Variants in P4HA3 observed in about 807,000 individuals in gnomAD.
The protein encoded by P4HA3 is prolyl 4-hydroxylase subunit alpha 3.
P4HA3 carries 60 observed loss-of-function variants against 66.7 expected under a neutral mutation model. The observed-to-expected ratio is 0.90, with a 90% CI of 0.73 to 1.12. P4HA3 has a LOEUF of 1.12. P4HA3 is among the 50% of genes most tolerant of loss of function. P4HA3 has a pLI of 0.00. For missense variants in P4HA3, 683 were observed against 685.8 expected, an observed-to-expected ratio of 1.00 and a Z score of 0.05; for synonymous variants, 263 against 274.6, an observed-to-expected ratio of 0.96 and a Z score of 0.42.
chr11:74,306,354 A>G (rs1184731819), intron 1 of P4HA3, among the ~76,000 whole-genome samples: 1 of 152,200 alleles, frequency 6.6e-6, no homozygotes, highest in Non-Finnish European at 1.5e-5. Flanking sequence ...CTTTCCTAGT[A>G]TACTCTGGTT....
At chr11:74,251,267 G>A (rs2135685130) in intron 15 of P4HA3, 1 of 1,371,598 alleles carries the variant, frequency 7.3e-7, no homozygotes, top group South Asian at 1.9e-5. Context: ...AAGATCTTAA[G>A]CTCTACTTCT....
At chr11:74,251,798 T>G in intron 15 of P4HA3, 75 of 1,524,494 alleles carry the variant, frequency 4.9e-5, no homozygotes, top group Non-Finnish European at 6.0e-5. Context: ...TAAATATCTC[T>G]GCCTTACCCC....
rs572926760 is a variant in P4HA3 at position 74,278,484 on chromosome 11, C to T, written c.1175+904G>A. On this transcript the variant is annotated intron_variant, in intron 8 of 12. Coordinates refer to ENST00000331597, the MANE Select transcript of P4HA3 (RefSeq NM_182904.5). ...GTGACCTTTGGGAGACCAGCTCCAG[C>T]GAAGTTGTGAGGACAGAACCAAAAG... Among the ~76,000 whole-genome samples the T allele has an allele frequency of 3.9e-5, 6 of 152,224 alleles. No homozygotes were observed. In the South Asian group the frequency reaches 1.0e-3, roughly 26 times the overall value.
intron 1 of P4HA3, among the ~76,000 whole-genome samples, chr11:74,304,955 G>A (rs1210990017): frequency 2.0e-5 from 3 of 152,102 alleles, no homozygotes; most frequent in Non-Finnish European, 4.4e-5. Context: ...ATTCCTATAA[G>A]GAGCACACAA....
At chr11:74,259,284 CAGG>C (rs1382785808) in intron 15 of P4HA3, among the ~76,000 whole-genome samples, 1 of 152,160 alleles carries the variant, frequency 6.6e-6, no homozygotes, top group Non-Finnish European at 1.5e-5. Flanking sequence ...GAGGCTGACG[CAGG>C]AGAATTGCTT....
At chr11:74,250,883 A>G (rs978761505) in intron 15 of P4HA3, 2 of 1,351,722 alleles carry the variant, frequency 1.5e-6, no homozygotes, top group African/African-American at 1.5e-5. Context: ...GGCTCCTGGA[A>G]TGACCTATGA....
chr11:74,292,401 T>A (rs559347228), intron 4 of P4HA3, among the ~76,000 whole-genome samples: 1 of 152,366 alleles, frequency 6.6e-6, no homozygotes, highest in East Asian at 1.9e-4. Flanking sequence ...AACCAGCTCC[T>A]GGATTCATTA....
intron 7 of P4HA3, among the ~76,000 whole-genome samples, chr11:74,284,611 T>C (rs985036015): frequency 6.6e-6 from 1 of 152,188 alleles, no homozygotes; most frequent in African/African-American, 2.4e-5. Flanking sequence ...CCTGTTGCCA[T>C]GGTAATGGGA....
chr11:74,278,302 T>C (rs193001888), intron 8 of P4HA3, among the ~76,000 whole-genome samples: 2 of 152,022 alleles, frequency 1.3e-5, no homozygotes, highest in Non-Finnish European at 2.9e-5. Flanking sequence ...AATAAGGAGA[T>C]AGGAAGAAGT....
At chr11:74,304,882 G>A (rs987843154) in intron 1 of P4HA3, among the ~76,000 whole-genome samples, 5 of 152,108 alleles carry the variant, frequency 3.3e-5, no homozygotes, top group South Asian at 4.1e-4. Context: ...TCCACGGACC[G>A]GGGGGTTGGG....
In P4HA3 at chr11:74,295,218, A is replaced by C. The variant is rs547287064; in HGVS notation, c.717+2994T>G. Among the ~76,000 whole-genome samples, 148 of 152,346 alleles carry C rather than the reference A, an allele frequency of 9.7e-4. 3 individuals are homozygous for C. In the South Asian group the frequency reaches 0.029, roughly 30 times the overall value. On this transcript the variant is annotated intron_variant, in intron 4 of 12. Coordinates refer to ENST00000331597, the MANE Select transcript of P4HA3 (RefSeq NM_182904.5). ...AAAATATAATTTGTTCTCCAGATTC[A>C]GTTCTTCCCGGAGTCCACAAAGTTA...
intron 7 of P4HA3, among the ~76,000 whole-genome samples, chr11:74,284,702 C>T (rs1860726344): frequency 6.6e-6 from 1 of 152,140 alleles, no homozygotes; most frequent in Non-Finnish European, 1.5e-5. Context: ...TGGCACACTT[C>T]CTTCCCCTAG....
At chr11:74,279,505 G>A in intron 7 of P4HA3, 53 bp from the exon 8 acceptor site, 1 of 1,537,216 alleles carries the variant, frequency 6.5e-7, no homozygotes, top group Non-Finnish European at 9.0e-7. Context: ...CAAAAGGAAA[G>A]TTTTGTCACT....
chr11:74,305,163 C>T (rs780133890), intron 1 of P4HA3, among the ~76,000 whole-genome samples: 4 of 152,056 alleles, frequency 2.6e-5, no homozygotes, highest in Non-Finnish European at 5.9e-5. Flanking sequence ...GACCTCTCTG[C>T]TATGAGAGAA....
At chr11:74,305,720 C>T (rs1861561370) in intron 1 of P4HA3, among the ~76,000 whole-genome samples, 1 of 152,120 alleles carries the variant, frequency 6.6e-6, no homozygotes, top group Admixed American at 6.5e-5. Context: ...AGGTCTAATA[C>T]TCAAGGATTT....
chr11:74,279,372 G>A lies in P4HA3; in HGVS notation c.1175+16C>T, dbSNP rs1322914436. The A allele has an allele frequency of 1.2e-6, 2 of 1,612,952 alleles. No individual in the cohort carries two copies. Among genetic ancestry groups the A allele is most frequent in the African/African-American group, 1.3e-5 (1 of 75,012 alleles). On this transcript the variant is annotated intron_variant, in intron 8 of 12. Coordinates refer to ENST00000331597, the MANE Select transcript of P4HA3 (RefSeq NM_182904.5). ...AGGGTGGGCAGCAGGTATGACCAAG[G>A]AAGGGCCCTTCTTACCTTTTGCTGA...
In P4HA3 at chr11:74,268,199, C is replaced by T. The variant is rs1393909531; in HGVS notation, c.1510G>A (p.Gly504Arg). The T allele has an allele frequency of 1.9e-6, 3 of 1,613,972 alleles. No homozygotes were observed. The highest frequency in any genetic ancestry group is 1.7e-6 in the Non-Finnish European group (2 of 1,179,992). ...FWWNLHRSGE[G>R]DSDTLHAGCP... The stretch of plus-strand genomic sequence containing the variant: ...CCAGCATGAAGTGTGTCACTGTCCC[C>T]TTCACCACTCCTGTGCAGGTTCCAC... Residue 504 changes from glycine to arginine, a missense_variant, in exon 12 of 13, where the codon GGG (glycine) becomes AGG (arginine). Coordinates refer to ENST00000331597, the MANE Select transcript of P4HA3 (RefSeq NM_182904.5).
intron 14 of P4HA3, among the ~76,000 whole-genome samples, chr11:74,260,538 G>A (rs1353691313): frequency 3.9e-5 from 6 of 152,100 alleles, no homozygotes; most frequent in Non-Finnish European, 8.8e-5. Flanking sequence ...TTTTTATTTG[G>A]TAAATGGAAA....
chr11:74,266,828 T>C lies in P4HA3; in HGVS notation c.*420A>G. The C allele has an allele frequency of 5.2e-6, 3 of 573,288 alleles. No individual in the cohort carries two copies. The highest frequency in any genetic ancestry group is 9.0e-6 in the Non-Finnish European group (3 of 333,686). The allele number at this position is 573,288 out of a possible 1,614,324, so 35.5% of individuals were successfully genotyped here. On this transcript the variant is annotated 3_prime_UTR_variant, in exon 13 of 13. Coordinates refer to ENST00000331597, the MANE Select transcript of P4HA3 (RefSeq NM_182904.5). The stretch of plus-strand genomic sequence containing the variant: ...GCAGCAGAAGGCAGTGGGGAGAAAG[T>C]CTTAAAGTTCTGGGAGTCAGGCTAG...
Sources: gnomAD v4.1 joint callset for allele counts (sites outside exome capture counted in the v4.1 genomes callset) on GRCh38, gnomAD v4.1.1 for gene constraint, MANE v1.5 for transcripts, NCBI Gene and HGNC (gene_info 2026-07-23, HGNC 2026-07-21) for gene names.